The following ARHGAP8 variants were observed in gnomAD, a reference collection of about 807,000 sequenced individuals.
ARHGAP8 encodes the protein rho GTPase-activating protein 8.
Under a neutral mutation model 46.1 loss-of-function variants are expected in ARHGAP8, and 62 were observed. That is an observed-to-expected ratio of 1.34 (90% CI 1.10 to 1.66). The LOEUF (loss-of-function observed/expected upper bound fraction) is 1.66. Among genes scored for constraint, ARHGAP8 ranks in the 40% most tolerant of loss-of-function variants. ARHGAP8 has a pLI of 0.00. For missense variants in ARHGAP8, 923 were observed against 568.4 expected (o/e 1.62, Z -6.34); for synonymous variants, 375 against 243.1 (o/e 1.54, Z -5.05).
chr22:44,851,393 ATATTTATTTATT>A (rs35942720), intron 10 of ARHGAP8, among the ~76,000 whole-genome samples: 8 of 151,018 alleles, frequency 5.3e-5, no homozygotes, highest in African/African-American at 1.5e-4. Context: ...AGCCTTTTAA[ATATTTATTTATT>A]TATTTATTTA....
At position 44,825,504 on chromosome 22, in the gene ARHGAP8, C is replaced by T; in HGVS notation, c.507C>T (p.Ser169=). Reference sequence around the variant, plus strand: ...ACAGGTACGATGAGAAGCTCCAGAGCCTGCACGAGGGCCGGACGCCGCCTC... The same window carrying T: ...ACAGGTACGATGAGAAGCTCCAGAGTCTGCACGAGGGCCGGACGCCGCCTC... The part of the protein sequence containing the change: ...EVLRYDEKLQ[S]LHEGRTPPPT... The change falls in exon 7 of 12, where the codon AGC becomes AGT. Residue 169 remains serine (S), a synonymous_variant. Transcript: ENST00000356099. 1.9e-6 allele frequency: 3 copies of T among 1,613,496 alleles called. No homozygotes were observed. The highest frequency in any genetic ancestry group is 2.5e-6 in the Non-Finnish European group (3 of 1,179,840).
Position 44,862,515 on chromosome 22 carries a change from G to C in ARHGAP8, c.1222G>C (p.Val408Leu). The C allele has an allele frequency of 1.2e-6, 2 of 1,612,810 alleles. No individual in the cohort carries two copies. Among genetic ancestry groups the C allele is most frequent in the South Asian group, 1.1e-5 (1 of 91,018 alleles). The change falls in exon 12 of 12, where the codon GTG (valine) becomes CTG (leucine). Residue 408 changes from valine (V) to leucine (L), a missense_variant. By Grantham distance (32) the Val-to-Leu change is conservative. Coordinates refer to ENST00000356099, the MANE Select transcript of ARHGAP8 (RefSeq NM_181335.3). ...CAGGGCAGCCCCTTTGCAGGAGGCT[G>C]TGCCACGGACACAAGCCACGGGCCT... ...GSRAAPLQEA[V>L]PRTQATGLTK...
At chr22:44,802,486 G>A (rs896332511) in intron 3 of ARHGAP8, among the ~76,000 whole-genome samples, 51 of 152,154 alleles carry the variant, frequency 3.4e-4, no homozygotes, top group African/African-American at 1.0e-3. Context: ...CAGATGACAC[G>A]GCTGCCGAGC....
intron 10 of ARHGAP8, among the ~76,000 whole-genome samples, chr22:44,851,344 C>T (rs2070088109): frequency 6.6e-6 from 1 of 152,156 alleles, no homozygotes; most frequent in African/African-American, 2.4e-5. Context: ...ACGAGAAAAG[C>T]ATGCCAGTTT....
At chr22:44,833,581 T>G (rs1006710044) in intron 7 of ARHGAP8, among the ~76,000 whole-genome samples, 1 of 152,212 alleles carries the variant, frequency 6.6e-6, no homozygotes, top group African/African-American at 2.4e-5. Context: ...TGTATTTTGT[T>G]GAGGATTTTG....
chr22:44,780,366 A>G (rs1926754317), intron 1 of ARHGAP8, among the ~76,000 whole-genome samples: 1 of 150,612 alleles, frequency 6.6e-6, no homozygotes, highest in Non-Finnish European at 1.5e-5. Flanking sequence ...CTTAAAAAAT[A>G]AAATAAAAAA....
chr22:44,862,720 A>T lies in ARHGAP8; in HGVS notation c.*125A>T. ...ATGAATTCAGAACCTTCTAATGAAA[A>T]CTCCATGCCTCTGGTCCTTGGACTC... On this transcript the variant is annotated 3_prime_UTR_variant, in exon 12 of 12. Transcript: ENST00000356099. 2.5e-6 allele frequency: 3 copies of T among 1,183,216 alleles called. No homozygotes were observed. The highest frequency in any genetic ancestry group is 3.4e-6 in the Non-Finnish European group (3 of 874,878). 73.3% of individuals were successfully genotyped at this position (1,183,216 alleles called of 1,614,324 possible). A position where few individuals can be genotyped will look rare whatever the true frequency, so the allele number is the denominator to read the frequency against.
At chr22:44,857,446 G>C (rs939216475) in intron 10 of ARHGAP8, among the ~76,000 whole-genome samples, 6 of 152,250 alleles carry the variant, frequency 3.9e-5, no homozygotes, top group African/African-American at 1.4e-4. Context: ...AGATTCACAA[G>C]AGAAAAACAT....
intron 11 of ARHGAP8, among the ~76,000 whole-genome samples, chr22:44,861,423 G>T (rs1376151558): frequency 6.6e-6 from 1 of 152,198 alleles, no homozygotes; most frequent in Non-Finnish European, 1.5e-5. Flanking sequence ...GGCCTGCAGT[G>T]GGCCTGGCTG....
At chr22:44,760,529 G>A (rs571937149) in intron 1 of ARHGAP8, among the ~76,000 whole-genome samples, 1 of 152,268 alleles carries the variant, frequency 6.6e-6, no homozygotes, top group East Asian at 1.9e-4. Context: ...TCCAAAACGA[G>A]AGCCTGCATT....
At chr22:44,758,484 A>G (rs139231093) in intron 1 of ARHGAP8, among the ~76,000 whole-genome samples, 2 of 152,222 alleles carry the variant, frequency 1.3e-5, no homozygotes, top group African/African-American at 4.8e-5. Context: ...TCCCCACTTT[A>G]ATTTCCCAGG....
chr22:44,822,401 C>G lies in ARHGAP8; in HGVS notation c.417C>G (p.Phe139Leu), dbSNP rs746900149. 5.2e-5 allele frequency: 83 copies of G among 1,583,774 alleles called. 1 individual carries two copies. In the Middle Eastern group the frequency reaches 1.8e-3, roughly 35 times the overall value. The change falls in exon 6 of 12, where the codon TTC becomes TTG. Residue 139 changes from phenylalanine (F) to leucine (L), a missense_variant. Transcript: ENST00000356099. ...AGTTTGGGAAGAAAGTCATCTATTT[C>G]AACTACCTGAGTGAGCTCCACGAAC... ...SHKFGKKVIY[F>L]NYLSELHEHL... is the part of the protein sequence containing the mutation.
At chr22:44,766,654 G>C (rs1286004104) in intron 1 of ARHGAP8, among the ~76,000 whole-genome samples, 2 of 152,144 alleles carry the variant, frequency 1.3e-5, no homozygotes, top group Admixed American at 1.3e-4. Flanking sequence ...CTGTCTTCCT[G>C]GGGACCCTTC....
rs117035435 is a variant in ARHGAP8 at position 44,821,713 on chromosome 22, C to T, written c.387-658C>T. ...CTGCAAATAGCCTTGCATTGTCTTC[C>T]GCCCTCACTTAGGAGGGAGAACCCC... On this transcript the variant is annotated intron_variant, in intron 5 of 11. Transcript: ENST00000356099. 1.6e-4 allele frequency among the ~76,000 whole-genome samples: 25 copies of T among 152,306 alleles called. No homozygotes were observed. The East Asian group carries it at 3.7e-3, about 22-fold the overall frequency.
chr22:44,861,017 A>C (rs557631217), intron 11 of ARHGAP8, among the ~76,000 whole-genome samples: 1 of 152,002 alleles, frequency 6.6e-6, no homozygotes, highest in Non-Finnish European at 1.5e-5. Flanking sequence ...TCTCAAAAAA[A>C]TTTTTTGAGA....
At chr22:44,770,562 T>C (rs1174727308) in intron 1 of ARHGAP8, among the ~76,000 whole-genome samples, 2 of 152,042 alleles carry the variant, frequency 1.3e-5, no homozygotes, top group African/African-American at 4.8e-5. Flanking sequence ...TCTGCCACCA[T>C]GTCTGGCTAA....
intron 1 of ARHGAP8, among the ~76,000 whole-genome samples, chr22:44,776,381 G>A (rs1020822499): frequency 6.6e-6 from 1 of 152,052 alleles, no homozygotes; most frequent in African/African-American, 2.4e-5. Context: ...GAACCTGGGA[G>A]GCGGACATTG....
chr22:44,771,192 T>C (rs1925968079), intron 1 of ARHGAP8, among the ~76,000 whole-genome samples: 1 of 152,120 alleles, frequency 6.6e-6, no homozygotes, highest in African/African-American at 2.4e-5. Flanking sequence ...GTAGTTCCTT[T>C]GTAGATTCCT....
At chr22:44,799,549 A>G (rs1445620396) in intron 2 of ARHGAP8, among the ~76,000 whole-genome samples, 1 of 152,066 alleles carries the variant, frequency 6.6e-6, no homozygotes, top group Non-Finnish European at 1.5e-5. Flanking sequence ...GGGCAGAGGT[A>G]GGGGCCTCGT....
Sources: allele counts gnomAD v4.1 joint callset (sites outside exome capture counted in the v4.1 genomes callset), GRCh38; gene constraint gnomAD v4.1.1; transcripts MANE v1.5; gene names NCBI Gene and HGNC (gene_info 2026-07-23, HGNC 2026-07-21).